TEX15: variants seen among roughly 807,000 people sequenced by gnomAD.
The protein encoded by TEX15 is testis-expressed protein 15.
In TEX15, 171 loss-of-function variants were observed where a neutral mutation model predicts 237.3. That is an observed-to-expected ratio of 0.72 (90% CI 0.64 to 0.82). The LOEUF (loss-of-function observed/expected upper bound fraction) is 0.82, where lower values mean the gene tolerates loss of function less well. TEX15 is among the 40% of genes least tolerant of loss of function. The probability of loss-of-function intolerance (pLI) is 0.00; values close to 1 mark genes in which losing one functional copy is unlikely to be tolerated. For synonymous variants in TEX15, 1,338 were observed against 1,269.8 expected (o/e 1.05, Z -1.14); for missense variants, 3,750 against 3,646.5 (o/e 1.03, Z -0.73).
chr8:30,902,077 G>GA (rs1380110348), intron 1 of TEX15, among the ~76,000 whole-genome samples: 1 of 152,132 alleles, frequency 6.6e-6, no homozygotes, highest in East Asian at 1.9e-4. Context: ...CAGACCTACT[G>GA]AATCTAGAGG....
intron 8 of TEX15, among the ~76,000 whole-genome samples, chr8:30,841,725 A>C (rs1807457396): frequency 6.6e-6 from 1 of 152,322 alleles, no homozygotes; most frequent in Middle Eastern, 3.4e-3. Context: ...CCTTCTTAAG[A>C]AGCTTTTAAA....
intron 10 of TEX15, among the ~76,000 whole-genome samples, chr8:30,834,481 C>T (rs1197719738): frequency 1.4e-4 from 6 of 42,402 alleles, no homozygotes; most frequent in Admixed American, 3.5e-4. Flanking sequence ...CTTTTTTCCC[C>T]TCTTTTATCG....
rs1328484776 is a variant in TEX15, at chr8:30,881,623, T to A, written c.136+5544A>T. 1.1e-4 allele frequency among the ~76,000 whole-genome samples: 13 copies of A among 114,916 alleles called. 2 individuals carry two copies. The highest frequency in any genetic ancestry group is 5.3e-4 in the South Asian group (2 of 3,746). The allele number at this position is 114,916 out of a possible 152,430, so 75.4% of individuals were successfully genotyped here. ...CTTCCATCTTGACTTTTTATTTTTT[T>A]TTATTATTTTTTTTTTTTGAGACAG... is the stretch of plus-strand genomic sequence containing the variant. On this transcript the variant is annotated intron_variant, in intron 3 of 10. Transcript: ENST00000643185.
Position 30,845,911 on chromosome 8 carries a change from A to G in TEX15, c.4256T>C (p.Ile1419Thr). 6.2e-7 allele frequency: 1 copy of G among 1,613,384 alleles called. No individual in the cohort carries two copies. Among genetic ancestry groups the G allele is most frequent in the Non-Finnish European group, 8.5e-7 (1 of 1,179,612 alleles). ...KGPLPKSYAI[I>T]CNNFWESCDL... ...ACAACTTTCCCAGAAATTATTGCAT[A>G]TTATTGCATATGATTTTGGTAATGG... Residue 1419 changes from isoleucine (I) to threonine (T), a missense_variant, in exon 8 of 11, where the codon ATA becomes ACA. By Grantham distance (89) the Ile-to-Thr change is moderately conservative. Transcript: ENST00000643185.
intron 7 of TEX15, among the ~76,000 whole-genome samples, chr8:30,855,220 T>C (rs1284756083): frequency 6.6e-6 from 1 of 152,128 alleles, no homozygotes; most frequent in East Asian, 1.9e-4. Context: ...AAAAAATCTA[T>C]TAGAATAACG....
chr8:30,865,831 T>G (rs1462623793), intron 5 of TEX15, among the ~76,000 whole-genome samples: 2 of 152,142 alleles, frequency 1.3e-5, no homozygotes, highest in African/African-American at 4.8e-5. Context: ...AACCTACAGC[T>G]AATATCATAC....
At chr8:30,893,757 T>C (rs547305645) in intron 2 of TEX15, among the ~76,000 whole-genome samples, 23 of 152,314 alleles carry the variant, frequency 1.5e-4, no homozygotes, top group African/African-American at 4.8e-4. Context: ...CATCTTTGTC[T>C]CTTATGTCCT....
Position 30,844,804 on chromosome 8 carries a change from G to C in TEX15, c.5363C>G (p.Thr1788Ser). 1 of 1,613,422 alleles carries C rather than the reference G, an allele frequency of 6.2e-7. No homozygotes were observed. The highest frequency in any genetic ancestry group is 2.2e-5 in the East Asian group (1 of 44,864). ...TGCTACATCCAACTCATAATTCTCA[G>C]TGACATTTGTTTCATTCCCATCTGT... ...LHTDGNETNV[T>S]ENYELDVASG... The change falls in exon 8 of 11, where the codon ACT (threonine) becomes AGT (serine). Residue 1788 changes from threonine to serine, a missense_variant. Coordinates refer to ENST00000643185, the MANE Select transcript of TEX15 (RefSeq NM_001350162.2).
intron 2 of TEX15, among the ~76,000 whole-genome samples, chr8:30,895,467 C>T (rs1283914273): frequency 2.0e-5 from 3 of 151,898 alleles, no homozygotes; most frequent in African/African-American, 7.3e-5. Flanking sequence ...TCAGTAAAAT[C>T]CATCTATTAA....
At chr8:30,896,031 GTTCT>G (rs1171558100) in intron 2 of TEX15, among the ~76,000 whole-genome samples, 15 of 152,078 alleles carry the variant, frequency 9.9e-5, no homozygotes, top group African/African-American at 3.6e-4. Context: ...GACTTGTGAA[GTTCT>G]TTCATTTTTT....
chr8:30,877,796 A>G (rs546575494), intron 3 of TEX15, among the ~76,000 whole-genome samples: 8 of 152,326 alleles, frequency 5.3e-5, no homozygotes, highest in Non-Finnish European at 8.8e-5. Flanking sequence ...TACAAGCCAC[A>G]GACCTTATTA....
At chr8:30,836,405 G>T (rs1807300645) in intron 10 of TEX15, among the ~76,000 whole-genome samples, 1 of 151,442 alleles carries the variant, frequency 6.6e-6, no homozygotes, top group Non-Finnish European at 1.5e-5. Flanking sequence ...GTACAGATGG[G>T]GTTTCACTAT....
At chr8:30,877,453 A>C (rs1299222395) in intron 3 of TEX15, among the ~76,000 whole-genome samples, 1 of 152,184 alleles carries the variant, frequency 6.6e-6, no homozygotes, top group Non-Finnish European at 1.5e-5. Flanking sequence ...AATGACAAAA[A>C]CAATATAAAA....
chr8:30,863,363 G>C (rs142836200), intron 5 of TEX15, among the ~76,000 whole-genome samples: 227 of 152,180 alleles, frequency 1.5e-3, no homozygotes, highest in Middle Eastern at 0.01. Context: ...TAGCACAGTG[G>C]CAGCCACCCT....
In TEX15 at chr8:30,844,328, T is replaced by C. The variant is rs1807538767; in HGVS notation, c.5839A>G (p.Ile1947Val). 1 of 1,612,972 alleles carries C rather than the reference T, an allele frequency of 6.2e-7. No homozygotes were observed. The highest frequency in any genetic ancestry group is 8.5e-7 in the Non-Finnish European group (1 of 1,179,494). The stretch of plus-strand genomic sequence containing the variant: ...ACTCCTAGAATTCCTGGTTTGGAAA[T>C]ATAGGCTATTTCTGAATGTAATGTC... ...DLTLHSEIAY[I>V]SKPGILGVNH... is the part of the protein sequence containing the mutation. The change falls in exon 8 of 11, where the codon ATT becomes GTT. Residue 1947 changes from isoleucine to valine, a missense_variant. Ile to Val is a conservative substitution (Grantham distance 29). Coordinates refer to ENST00000643185, the MANE Select transcript of TEX15 (RefSeq NM_001350162.2).
intron 2 of TEX15, among the ~76,000 whole-genome samples, chr8:30,895,676 C>CTATTTT (rs1808889021): frequency 1.7e-5 from 1 of 60,060 alleles, no homozygotes; most frequent in Non-Finnish European, 2.7e-5. Flanking sequence ...TAAACACATG[C>CTATTTT]TTTTTTTTTT....
In TEX15 at chr8:30,837,693, A is replaced by C. The variant is rs771785602; in HGVS notation, c.8591T>G (p.Leu2864Arg). 2 of 1,613,950 alleles carry C rather than the reference A, an allele frequency of 1.2e-6. No homozygotes were observed. Among genetic ancestry groups the C allele is most frequent in the Non-Finnish European group, 1.7e-6 (2 of 1,179,958 alleles). Residue 2864 changes from leucine to arginine, a missense_variant, in exon 10 of 11, where the codon CTT becomes CGT. By Grantham distance (102) the Leu-to-Arg change is moderately radical (BLOSUM62 -2). Coordinates refer to ENST00000643185, the MANE Select transcript of TEX15 (RefSeq NM_001350162.2). ...TTGGGTGGGATCTGGGGAATTTTTAAGAAATTTCTGCAAAAGCGTCCCATG... is the reference window on the plus strand; with the variant it reads ...TTGGGTGGGATCTGGGGAATTTTTACGAAATTTCTGCAAAAGCGTCCCATG... ...PDHGTLLQKF[L>R]KNSPDPTQKS...
In TEX15 at chr8:30,848,858, T is replaced by C. The variant is rs749418956; in HGVS notation, c.1309A>G (p.Met437Val). 6.2e-7 allele frequency: 1 copy of C among 1,614,160 alleles called. No homozygotes were observed. The highest frequency in any genetic ancestry group is 1.1e-5 in the South Asian group (1 of 91,080). Reference sequence around the variant, plus strand: ...TCTCCCATACTTTCTTCTCTCCTCATCAGTCTTGGGTCTTTGATGGATTTT... The same window carrying C: ...TCTCCCATACTTTCTTCTCTCCTCACCAGTCTTGGGTCTTTGATGGATTTT... The part of the protein sequence containing the change: ...TSKSIKDPRL[M>V]RREESMGEQS... Residue 437 changes from methionine (M) to valine (V), a missense_variant, in exon 8 of 11, where the codon ATG becomes GTG. Coordinates refer to ENST00000643185, the MANE Select transcript of TEX15 (RefSeq NM_001350162.2).
At chr8:30,898,877 C>A (rs1808956042) in intron 1 of TEX15, 60 bp from the exon 2 acceptor site, 1 of 151,984 alleles carries the variant, frequency 6.6e-6, no homozygotes, top group Admixed American at 6.6e-5. Flanking sequence ...GCTCCCCCAG[C>A]CCAATAATTA....
Sources: allele counts gnomAD v4.1 joint callset (sites outside exome capture counted in the v4.1 genomes callset), GRCh38; gene constraint gnomAD v4.1.1; transcripts MANE v1.5; gene names NCBI Gene and HGNC (gene_info 2026-07-23, HGNC 2026-07-21).